GNB1: variants seen among roughly 807,000 people sequenced by gnomAD.
The protein encoded by GNB1 is guanine nucleotide-binding protein G(I)/G(S)/G(T) subunit beta-1.
A neutral mutation model predicts 42.9 loss-of-function variants in GNB1; 2 were observed. The observed-to-expected ratio is 0.05, with a 90% CI of 0.02 to 0.15. The LOEUF (loss-of-function observed/expected upper bound fraction) is 0.15. GNB1 is among the 10% of genes least tolerant of loss of function. GNB1 has a pLI of 1.00. For synonymous variants in GNB1, 183 were observed against 174.7 expected (o/e 1.05, Z -0.38); for missense variants, 193 against 462.2 (o/e 0.42, Z 5.34).
At chr1:1,870,798 C>T (rs1050744605) in intron 1 of GNB1, among the ~76,000 whole-genome samples, 3 of 152,018 alleles carry the variant, frequency 2.0e-5, no homozygotes, top group African/African-American at 4.8e-5. Flanking sequence ...ATTAGCTGGG[C>T]GTGGTGGCAC....
intron 1 of GNB1, among the ~76,000 whole-genome samples, chr1:1,889,659 TAAAA>T (rs35173217): frequency 2.2e-3 from 257 of 115,288 alleles, no homozygotes; most frequent in African/African-American, 8.0e-3. Flanking sequence ...TCCCATCTCT[TAAAA>T]AAAAAAAAAA....
chr1:1,854,755 AAGTGCAGTGGCTC>A (rs1402789104), intron 1 of GNB1, among the ~76,000 whole-genome samples: 2 of 152,168 alleles, frequency 1.3e-5, no homozygotes, highest in Non-Finnish European at 2.9e-5. Flanking sequence ...AAAAATTAAA[AAGTGCAGTGGCTC>A]ACACCCGTAA....
intron 1 of GNB1, among the ~76,000 whole-genome samples, chr1:1,859,233 G>A (rs1300898628): frequency 6.6e-6 from 1 of 152,100 alleles, no homozygotes; most frequent in East Asian, 1.9e-4. Flanking sequence ...TGTTGGCCAG[G>A]CTGGTCTCGA....
chr1:1,829,654 G>A (rs577963797), intron 2 of GNB1, among the ~76,000 whole-genome samples: 4 of 152,288 alleles, frequency 2.6e-5, no homozygotes, highest in Admixed American at 6.5e-5. Context: ...TGAAGACAGT[G>A]AACGAAACAA....
At chr1:1,861,370 C>T (rs1234003244) in intron 1 of GNB1, among the ~76,000 whole-genome samples, 1 of 151,912 alleles carries the variant, frequency 6.6e-6, no homozygotes, top group Admixed American at 6.6e-5. Flanking sequence ...GATCACTGAG[C>T]CTCAGAGGTC....
intron 1 of GNB1, among the ~76,000 whole-genome samples, chr1:1,840,307 T>C (rs1186832323): frequency 6.6e-6 from 1 of 150,900 alleles, no homozygotes; most frequent in Non-Finnish European, 1.5e-5. Flanking sequence ...GTTGGGCGGA[T>C]CACAAGGTAA....
At chr1:1,869,245 CA>C (rs1244983035) in intron 1 of GNB1, among the ~76,000 whole-genome samples, 4 of 131,720 alleles carry the variant, frequency 3.0e-5, no homozygotes, top group African/African-American at 1.1e-4. Flanking sequence ...AGCAAACTTA[CA>C]AAGACCAGAG....
intron 5 of GNB1, among the ~76,000 whole-genome samples, chr1:1,808,297 C>T (rs560167474): frequency 3.8e-4 from 58 of 152,236 alleles, no homozygotes; most frequent in African/African-American, 1.3e-3. Context: ...TGAGCCACTG[C>T]GCCCGACCAT....
chr1:1,841,829 C>A (rs529750697), intron 1 of GNB1, among the ~76,000 whole-genome samples: 1 of 152,184 alleles, frequency 6.6e-6, no homozygotes, highest in Non-Finnish European at 1.5e-5. Flanking sequence ...TACCCCATAA[C>A]CCAGCAATTC....
chr1:1,840,457 G>T (rs1647214249), intron 1 of GNB1, among the ~76,000 whole-genome samples: 1 of 152,228 alleles, frequency 6.6e-6, no homozygotes, highest in South Asian at 2.1e-4. Flanking sequence ...GAACACAGGA[G>T]GCGGAGATTG....
chr1:1,849,897 T>C (rs946483361), intron 1 of GNB1, among the ~76,000 whole-genome samples: 5 of 152,194 alleles, frequency 3.3e-5, no homozygotes, highest in Admixed American at 1.3e-4. Context: ...TGAATATTTC[T>C]TCTGCCCCGT....
intron 2 of GNB1, among the ~76,000 whole-genome samples, chr1:1,835,668 C>T (rs996006711): frequency 2.6e-5 from 4 of 152,090 alleles, no homozygotes; most frequent in African/African-American, 9.7e-5. Context: ...GAAATCTGTG[C>T]ATGTTGTTAC....
chr1:1,841,612 A>G (rs973715796), intron 1 of GNB1, among the ~76,000 whole-genome samples: 1 of 152,258 alleles, frequency 6.6e-6, no homozygotes. Context: ...GCAAACTCAC[A>G]TGCACACATC....
intron 1 of GNB1, among the ~76,000 whole-genome samples, chr1:1,863,977 T>G (rs912321604): frequency 6.6e-6 from 1 of 152,068 alleles, no homozygotes; most frequent in Non-Finnish European, 1.5e-5. Context: ...GGCGGGTGGA[T>G]CCAGTTTGGG....
At chr1:1,879,066 TCTTC>T (rs1649698688) in intron 1 of GNB1, among the ~76,000 whole-genome samples, 1 of 152,022 alleles carries the variant, frequency 6.6e-6, no homozygotes, top group Non-Finnish European at 1.5e-5. Context: ...CACCAACGGG[TCTTC>T]ACCTCTGACA....
chr1:1,815,225 T>C (rs188524424), intron 5 of GNB1, among the ~76,000 whole-genome samples: 5 of 152,162 alleles, frequency 3.3e-5, no homozygotes, highest in Admixed American at 1.3e-4. Context: ...GATGAGAGAA[T>C]GGTGAGAGCA....
intron 1 of GNB1, among the ~76,000 whole-genome samples, chr1:1,875,355 C>A (rs1375435886): frequency 6.6e-6 from 1 of 152,086 alleles, no homozygotes; most frequent in South Asian, 2.1e-4. Flanking sequence ...CCACACCCCA[C>A]TAAACTTTTG....
intron 7 of GNB1, among the ~76,000 whole-genome samples, chr1:1,794,768 G>A (rs751604720): frequency 3.9e-5 from 6 of 152,090 alleles, no homozygotes; most frequent in Admixed American, 6.5e-5. Flanking sequence ...TCGGCTCACC[G>A]CAACCTCCAC....
intron 7 of GNB1, among the ~76,000 whole-genome samples, chr1:1,798,703 G>A (rs931491108): frequency 2.6e-5 from 4 of 152,180 alleles, no homozygotes; most frequent in Non-Finnish European, 4.4e-5. Flanking sequence ...CAGAGGGCTG[G>A]AAATAAGCTT....
Sources: allele counts gnomAD v4.1 joint callset (sites outside exome capture counted in the v4.1 genomes callset), GRCh38; gene constraint gnomAD v4.1.1; transcripts MANE v1.5; gene names NCBI Gene and HGNC (gene_info 2026-07-23, HGNC 2026-07-21).